Variants in TMEM38A observed in about 807,000 individuals in gnomAD.
TMEM38A encodes trimeric intracellular cation channel type A.
TMEM38A carries 17 observed loss-of-function variants against 28.6 expected under a neutral mutation model. The observed-to-expected ratio is 0.60, with a 90% CI of 0.41 to 0.89. The LOEUF is 0.89. Among genes scored for constraint, TMEM38A ranks in the 40% least tolerant of loss-of-function variants. The probability of loss-of-function intolerance (pLI) is 0.00; values close to 1 mark genes in which losing one functional copy is unlikely to be tolerated. For synonymous variants in TMEM38A, 169 were observed against 166.1 expected (o/e 1.02, Z -0.14); for missense variants, 328 against 393.1 (o/e 0.83, Z 1.40).
intron 5 of TMEM38A, among the ~76,000 whole-genome samples, chr19:16,687,699 A>G (rs2086807408): frequency 6.6e-6 from 1 of 152,054 alleles, no homozygotes; most frequent in African/African-American, 2.4e-5. Flanking sequence ...GGGCCTCTTT[A>G]TAAGGGCACT....
intron 1 of TMEM38A, among the ~76,000 whole-genome samples, chr19:16,667,498 A>G (rs1381620396): frequency 6.6e-6 from 1 of 152,052 alleles, no homozygotes; most frequent in Non-Finnish European, 1.5e-5. Flanking sequence ...GACCCATCCA[A>G]AGAATCTCTC....
Position 16,680,048 on chromosome 19 carries a change from C to T in TMEM38A, c.189C>T (p.Phe63=), listed in dbSNP as rs730120. Residue 63 remains phenylalanine, a synonymous_variant, in exon 2 of 6, where the codon TTC becomes TTT. Coordinates refer to ENST00000187762, the MANE Select transcript of TMEM38A (RefSeq NM_024074.4). The part of the protein sequence containing the change: ...ASWLCAMLHC[F]GSYILADLLL... ...GGCTGTGCGCCATGCTGCATTGCTT[C>T]GGGAGCTACATCCTGGCTGATCTGC... is the stretch of plus-strand genomic sequence containing the variant. The T allele has an allele frequency of 0.063, 100,990 of 1,611,222 alleles. 4,276 individuals are homozygous for T. The highest frequency in any genetic ancestry group is 0.24 in the East Asian group (10,882 of 44,862).
intron 1 of TMEM38A, among the ~76,000 whole-genome samples, chr19:16,665,502 AAAAAG>A (rs2086699253): frequency 6.6e-6 from 1 of 152,100 alleles, no homozygotes; most frequent in Non-Finnish European, 1.5e-5. Flanking sequence ...AAAAAAAAGA[AAAAAG>A]AAACTAAACG....
At chr19:16,672,599 C>A (rs2122583732) in intron 1 of TMEM38A, among the ~76,000 whole-genome samples, 1 of 151,986 alleles carries the variant, frequency 6.6e-6, no homozygotes, top group Non-Finnish European at 1.5e-5. Flanking sequence ...CAGGCGCATG[C>A]CACCACGCCC....
At chr19:16,665,588 G>C (rs951147382) in intron 1 of TMEM38A, among the ~76,000 whole-genome samples, 5 of 152,300 alleles carry the variant, frequency 3.3e-5, no homozygotes, top group African/African-American at 1.2e-4. Flanking sequence ...TCACCACCAT[G>C]AGCTTCAGTT....
intron 1 of TMEM38A, among the ~76,000 whole-genome samples, chr19:16,674,844 C>A (rs1382719106): frequency 1.3e-5 from 2 of 151,964 alleles, no homozygotes; most frequent in African/African-American, 2.4e-5. Context: ...CAGAGGGATG[C>A]ACATTTCCCA....
chr19:16,686,421 C>T lies in TMEM38A; in HGVS notation c.672+16C>T. On this transcript the variant is annotated intron_variant, in intron 5 of 5. Coordinates refer to ENST00000187762, the MANE Select transcript of TMEM38A (RefSeq NM_024074.4). Reference sequence around the variant, plus strand: ...GTCCTGTAAGGTAAGCCTTTCTCTTCTTGCAGCATTCTTGCCTTGACCAAT... The same window carrying T: ...GTCCTGTAAGGTAAGCCTTTCTCTTTTTGCAGCATTCTTGCCTTGACCAAT... The T allele has an allele frequency of 6.2e-7, 1 of 1,605,334 alleles. No homozygotes were observed. The highest frequency in any genetic ancestry group is 1.1e-5 in the South Asian group (1 of 90,904).
chr19:16,666,325 C>T (rs2086703005), intron 1 of TMEM38A, among the ~76,000 whole-genome samples: 1 of 151,894 alleles, frequency 6.6e-6, no homozygotes, highest in Non-Finnish European at 1.5e-5. Flanking sequence ...CCATGTTGGT[C>T]AGGGTGGTCT....
At chr19:16,683,969 T>TAA (rs111516855) in intron 4 of TMEM38A, among the ~76,000 whole-genome samples, 26,030 of 134,180 alleles carry the variant, frequency 0.19, 3,739 homozygotes, top group African/African-American at 0.38. Context: ...AAATTCCATC[T>TAA]CAAAAAAAAA....
chr19:16,670,214 C>T (rs997925388), intron 1 of TMEM38A, among the ~76,000 whole-genome samples: 34 of 151,072 alleles, frequency 2.3e-4, no homozygotes, highest in African/African-American at 7.1e-4. Flanking sequence ...GTGATCCACC[C>T]GCCTCGGTCT....
chr19:16,675,441 C>T (rs2086746065), intron 1 of TMEM38A, among the ~76,000 whole-genome samples: 1 of 151,800 alleles, frequency 6.6e-6, no homozygotes, highest in African/African-American at 2.4e-5. Context: ...ACTATGTTCC[C>T]AGGGCTGGTC....
At position 16,681,577 on chromosome 19, in the gene TMEM38A, G is replaced by A. The variant is rs140008303; in HGVS notation, c.467-844G>A. On this transcript the variant is annotated intron_variant, in intron 3 of 5. Transcript: ENST00000187762. Reference sequence around the variant, plus strand: ...ATTGGGCACTTTATCCTCGCTTCCTGCCCACCAGATATGGGTACCCACAAA... The same window carrying A: ...ATTGGGCACTTTATCCTCGCTTCCTACCCACCAGATATGGGTACCCACAAA... Among the ~76,000 whole-genome samples the A allele has an allele frequency of 5.9e-5, 9 of 152,246 alleles. No homozygotes were observed. In the East Asian group the frequency reaches 1.7e-3, roughly 29 times the overall value.
intron 1 of TMEM38A, among the ~76,000 whole-genome samples, chr19:16,668,961 T>C (rs1396880143): frequency 6.6e-6 from 1 of 151,866 alleles, no homozygotes; most frequent in Non-Finnish European, 1.5e-5. Context: ...CCTAAGCAGC[T>C]AGGATTACAA....
chr19:16,684,870 C>T (rs1196472098), intron 4 of TMEM38A, among the ~76,000 whole-genome samples: 1 of 140,158 alleles, frequency 7.1e-6, no homozygotes, highest in Non-Finnish European at 1.5e-5. Flanking sequence ...AAGACTCCAT[C>T]TCTACAAAAA....
At chr19:16,671,200 G>GTTTTTTTTTTTTTT (rs1568313636) in intron 1 of TMEM38A, among the ~76,000 whole-genome samples, 13 of 112,900 alleles carry the variant, frequency 1.2e-4, no homozygotes, top group East Asian at 5.9e-4. Context: ...AAGGACCTGG[G>GTTTTTTTTTTTTTT]CTTTTTTTTT....
chr19:16,685,327 A>C (rs1412770810), intron 4 of TMEM38A, among the ~76,000 whole-genome samples: 1 of 152,152 alleles, frequency 6.6e-6, no homozygotes, highest in Non-Finnish European at 1.5e-5. Context: ...TGGAGGTTGC[A>C]GGGAGCTGAG....
intron 1 of TMEM38A, among the ~76,000 whole-genome samples, chr19:16,679,416 C>T (rs552889008): frequency 6.6e-6 from 1 of 151,992 alleles, no homozygotes; most frequent in African/African-American, 2.4e-5. Flanking sequence ...TCCTGTCAGC[C>T]TCCTGAGTAG....
rs896677775 is a variant in TMEM38A, at chr19:16,678,634, G to A, written c.125-1350G>A. Among the ~76,000 whole-genome samples the A allele has an allele frequency of 6.0e-5, 9 of 150,644 alleles. No homozygotes were observed. The East Asian group carries it at 1.2e-3, about 20-fold the overall frequency. Reference sequence around the variant, plus strand: ...AAAAATTAGCCTGGCATGGTGGCGCGCGTGCCTGTAGTCCCAAATACTTTC... The same window carrying A: ...AAAAATTAGCCTGGCATGGTGGCGCACGTGCCTGTAGTCCCAAATACTTTC... On this transcript the variant is annotated intron_variant, in intron 1 of 5. Transcript: ENST00000187762.
intron 1 of TMEM38A, among the ~76,000 whole-genome samples, chr19:16,674,633 C>G (rs1466036560): frequency 2.0e-5 from 3 of 151,646 alleles, no homozygotes; most frequent in South Asian, 4.2e-4. Flanking sequence ...AAACTTGTCT[C>G]TACTAAAAAT....
Sources: gnomAD v4.1 joint callset for allele counts (sites outside exome capture counted in the v4.1 genomes callset) on GRCh38, gnomAD v4.1.1 for gene constraint, MANE v1.5 for transcripts, NCBI Gene and HGNC (gene_info 2026-07-23, HGNC 2026-07-21) for gene names.